BPTF: variants seen among roughly 807,000 people sequenced by gnomAD.
BPTF encodes the protein nucleosome-remodeling factor subunit BPTF.
In BPTF, 18 loss-of-function variants were observed where a neutral mutation model predicts 292.5. That is an observed-to-expected ratio of 0.06 (90% CI 0.04 to 0.09). The LOEUF (loss-of-function observed/expected upper bound fraction) is 0.09. Among genes scored for constraint, BPTF ranks in the 10% least tolerant of loss-of-function variants. The pLI, the probability that BPTF is intolerant of heterozygous loss-of-function variation, is 1.00. For synonymous variants in BPTF, 1,225 were observed against 1,251.9 expected, an observed-to-expected ratio of 0.98 and a Z score of 0.45; for missense variants, 2,726 against 3,498.7, an observed-to-expected ratio of 0.78 and a Z score of 5.57.
rs759652020 is a variant in BPTF, at chr17:67,911,117, G to A, written c.3233G>A (p.Arg1078Gln). The change falls in exon 11 of 28, where the codon CGA (arginine) becomes CAA (glutamine). Residue 1078 changes from arginine (R) to glutamine (Q), a missense_variant. By Grantham distance (43) the Arg-to-Gln change is conservative. Around this residue, in one of 22 missense-constraint regions of BPTF, gnomAD observed 713 missense variants for 714.9 expected, o/e 1.00. Transcript: ENST00000306378. ...IKQFTLEEKQ[R>Q]LEKIKLEGGI... ...CAGTTTACACTGGAAGAAAAACAGC[G>A]ACTCGAAAAAATCAAGTTGGAGGGT... is the stretch of plus-strand genomic sequence containing the variant. The A allele has an allele frequency of 1.3e-5, 21 of 1,613,826 alleles. No homozygotes were observed. The Admixed American group carries it at 1.5e-4, about 12-fold the overall frequency.
intron 4 of BPTF, chr17:67,875,776 A>G (rs771123647): frequency 6.9e-7 from 1 of 1,450,184 alleles, no homozygotes; most frequent in South Asian, 1.5e-5. Flanking sequence ...TGCCTCTGTA[A>G]TGGGGGGAAT....
rs112884549 is a variant in BPTF at position 67,826,074 on chromosome 17, C to T, written c.350C>T (p.Ala117Val). Residue 117 changes from alanine (A) to valine (V), a missense_variant, in exon 1 of 28, where the codon GCC (alanine) becomes GTC (valine). Ala to Val is a moderately conservative substitution (Grantham distance 64). This residue lies in a region of BPTF where 153 missense variants were observed against 178.3 expected (regional missense o/e 0.86). Transcript: ENST00000306378. ...GGGHLARTTA[A>V]RRAVNKVVYD... ...GGCCACCTGGCCCGGACCACCGCGG[C>T]CCGGAGGGCCGTCAACAAAGTGGTG... 2.8e-5 allele frequency: 36 copies of T among 1,284,340 alleles called. No individual in the cohort carries two copies. The highest frequency in any genetic ancestry group is 3.7e-5 in the Non-Finnish European group (35 of 946,894). 79.6% of individuals were successfully genotyped at this position (1,284,340 alleles called of 1,614,324 possible). A position where few individuals can be genotyped will look rare whatever the true frequency, so the allele number is the denominator to read the frequency against.
rs201995488 is a variant in BPTF at position 67,894,040 on chromosome 17, T to C, written c.2418T>C (p.Asn806=). Residue 806 remains asparagine (N), a synonymous_variant, in exon 7 of 28, where the codon AAT becomes AAC. Transcript: ENST00000306378. ...CATTTCTTCTGAAATACAGGGCAAA[T>C]TGGATCAAGGCAGTTCAGATGTGTA... ...LHPNWASHRA[N]WIKAVQMCSK... 27 of 1,612,692 alleles carry C rather than the reference T, an allele frequency of 1.7e-5. No homozygotes were observed. Among genetic ancestry groups the C allele is most frequent in the Non-Finnish European group, 2.1e-5 (25 of 1,179,164 alleles).
At chr17:67,900,615 G>A (rs1266953587) in intron 7 of BPTF, among the ~76,000 whole-genome samples, 2 of 151,866 alleles carry the variant, frequency 1.3e-5, no homozygotes, top group Admixed American at 1.3e-4. Context: ...AATCTTTAAA[G>A]CTTAACTAAA....
intron 4 of BPTF, among the ~76,000 whole-genome samples, chr17:67,891,049 G>A (rs1344710105): frequency 6.6e-6 from 1 of 152,108 alleles, no homozygotes; most frequent in Non-Finnish European, 1.5e-5. Flanking sequence ...CAGGTGTGCT[G>A]GTGCATGCCT....
At chr17:67,839,187 T>C in intron 1 of BPTF, among the ~76,000 whole-genome samples, 1 of 151,526 alleles carries the variant, frequency 6.6e-6, no homozygotes, top group South Asian at 2.1e-4. Context: ...AAAGCAATGT[T>C]AAATGTTAGT....
rs2064175069 is a variant in BPTF at position 67,929,428 on chromosome 17, G to A, written c.6091G>A (p.Ala2031Thr). 1 of 1,614,152 alleles carries A rather than the reference G, an allele frequency of 6.2e-7. No individual in the cohort carries two copies. Among genetic ancestry groups the A allele is most frequent in the Non-Finnish European group, 8.5e-7 (1 of 1,180,024 alleles). ...QTFTSFQPRTATVTIRPNTSG... is the reference protein window; with the variant it reads ...QTFTSFQPRTTTVTIRPNTSG... ...CTTTACTTCATTCCAGCCCAGGACA[G>A]CAACAGTCACAATTAGGCCCAATAC... is the stretch of plus-strand genomic sequence containing the variant. The change falls in exon 17 of 28, where the codon GCA (alanine) becomes ACA (threonine). Residue 2031 changes from alanine to threonine, a missense_variant. By Grantham distance (58) the Ala-to-Thr change is moderately conservative. Coordinates refer to ENST00000306378, the MANE Select transcript of BPTF (RefSeq NM_182641.4).
intron 11 of BPTF, among the ~76,000 whole-genome samples, chr17:67,913,806 G>T (rs1216476888): frequency 6.6e-6 from 1 of 152,134 alleles, no homozygotes; most frequent in Non-Finnish European, 1.5e-5. Context: ...GATAGTGTTG[G>T]TAGTTGTAAA....
chr17:67,946,523 A>G (rs529470661), intron 21 of BPTF, among the ~76,000 whole-genome samples, 198 bp downstream of exon 21: 1 of 152,358 alleles, frequency 6.6e-6, no homozygotes, highest in South Asian at 2.1e-4. Flanking sequence ...TACATATAAT[A>G]TATAGTCAGT....
Position 67,911,517 on chromosome 17 carries a change from T to G in BPTF, c.3633T>G (p.Asn1211Lys), listed in dbSNP as rs1598602086. The G allele has an allele frequency of 6.2e-7, 1 of 1,613,446 alleles. No individual in the cohort carries two copies. Among genetic ancestry groups the G allele is most frequent in the South Asian group, 1.1e-5 (1 of 90,996 alleles). The change falls in exon 11 of 28, where the codon AAT becomes AAG. Residue 1211 changes from asparagine (N) to lysine (K), a missense_variant. Transcript: ENST00000306378. ...CCAGTAAGAGTAAAACAAAAGGAAA[T>G]GATTTTTTCATCGATGACTCTAAAC... ...QEPSKSKTKG[N>K]DFFIDDSKLA... is the part of the protein sequence containing the mutation.
In BPTF at chr17:67,891,886, A is replaced by G; in HGVS notation, c.1907A>G (p.Glu636Gly). The G allele has an allele frequency of 3.7e-6, 6 of 1,610,218 alleles. No individual in the cohort carries two copies. The highest frequency in any genetic ancestry group is 5.1e-6 in the Non-Finnish European group (6 of 1,178,578). Residue 636 changes from glutamate to glycine, a missense_variant, in exon 5 of 28, where the codon GAA becomes GGA. Glu to Gly is a moderately conservative substitution (Grantham distance 98, BLOSUM62 -2). Coordinates refer to ENST00000306378, the MANE Select transcript of BPTF (RefSeq NM_182641.4). ...KSEKSNGELS[E>G]SPGAGKGASG... is the part of the protein sequence containing the mutation. ...GAGAAGTCCAACGGGGAGCTAAGTG[A>G]ATCTCCTGGAGCTGGAAAAGGAGCA...
intron 11 of BPTF, among the ~76,000 whole-genome samples, chr17:67,915,245 G>C (rs911845858): frequency 7.2e-5 from 11 of 152,082 alleles, no homozygotes; most frequent in African/African-American, 2.4e-4. Context: ...CCCTGATTCT[G>C]TGCTTCATTT....
chr17:67,944,070 C>A, intron 19 of BPTF, 80 bp from the exon 20 acceptor site: 4 of 1,024,474 alleles, frequency 3.9e-6, no homozygotes, highest in Non-Finnish European at 6.0e-6. Context: ...GATAATTACA[C>A]ATAAAAATGA....
chr17:67,922,212 A>G (rs981769607), intron 13 of BPTF, among the ~76,000 whole-genome samples: 1 of 152,142 alleles, frequency 6.6e-6, no homozygotes, highest in Admixed American at 6.5e-5. Context: ...TGTACAATTC[A>G]GGTCCTGCTT....
chr17:67,874,712 T>C, intron 3 of BPTF, 105 bp from the exon 4 acceptor site: 1 of 705,856 alleles, frequency 1.4e-6, no homozygotes, highest in Non-Finnish European at 2.4e-6. Context: ...ATACTTAATT[T>C]TTCCTCTTTA....
intron 4 of BPTF, 93 bp downstream of exon 4, chr17:67,875,113 A>G: frequency 9.7e-7 from 1 of 1,031,832 alleles, no homozygotes; most frequent in Non-Finnish European, 1.4e-6. Flanking sequence ...AAATATTGCA[A>G]GCAGCTACCT....
At chr17:67,929,537 T>A in intron 17 of BPTF, 50 bp downstream of exon 17, 1 of 1,564,074 alleles carries the variant, frequency 6.4e-7, no homozygotes, top group Non-Finnish European at 8.7e-7. Context: ...GCACATCACA[T>A]TATTTTTAGA....
At chr17:67,845,428 C>G (rs1182988466) in intron 1 of BPTF, among the ~76,000 whole-genome samples, 1 of 152,170 alleles carries the variant, frequency 6.6e-6, no homozygotes, top group Non-Finnish European at 1.5e-5. Context: ...CTTCCTCTCT[C>G]CCTTTGGAGT....
At position 67,843,754 on chromosome 17, in the gene BPTF, C is replaced by CTT. The variant is rs56335701; in HGVS notation, c.614-10159_614-10158dup. 3.0e-3 allele frequency among the ~76,000 whole-genome samples: 186 copies of CTT among 62,222 alleles called. 26 individuals are homozygous for CTT. Among genetic ancestry groups the CTT allele is most frequent in the African/African-American group, 9.7e-3 (116 of 11,920 alleles). The allele number at this position is 62,222 out of a possible 152,430, so 40.8% of individuals were successfully genotyped here. A position where few individuals can be genotyped will look rare whatever the true frequency, so the allele number is the denominator to read the frequency against. ...TTTTTAAATTGTCTGGAGCAGTTGT[C>CTT]TTTTTTTTTTTTTTTTTTTTTTTTT... is the stretch of plus-strand genomic sequence containing the variant. On this transcript the variant is annotated intron_variant, in intron 1 of 27. Coordinates refer to ENST00000306378, the MANE Select transcript of BPTF (RefSeq NM_182641.4).
Sources: gnomAD v4.1 joint callset for allele counts (sites outside exome capture counted in the v4.1 genomes callset) on GRCh38, gnomAD v4.1.1 for gene constraint, gnomAD v4.1.1 regional missense constraint, MANE v1.5 for transcripts, NCBI Gene and HGNC (gene_info 2026-07-23, HGNC 2026-07-21) for gene names.